Variants in HEATR9 observed in about 807,000 individuals in gnomAD.
The protein encoded by HEATR9 is protein HEATR9.
A neutral mutation model predicts 68.2 loss-of-function variants in HEATR9; 54 were observed. That is an observed-to-expected ratio of 0.79 (90% CI 0.64 to 0.99). The LOEUF is 0.99. HEATR9 is among the 50% of genes least tolerant of loss of function. The pLI is 0.00. For missense variants in HEATR9, 662 were observed against 679.7 expected (o/e 0.97, Z 0.29); for synonymous variants, 241 against 253.5 (o/e 0.95, Z 0.47).
rs115376671 is a variant in HEATR9, at chr17:35,867,628, G to A, written c.89-855C>T. Among the ~76,000 whole-genome samples, 611 of 151,928 alleles carry A rather than the reference G, an allele frequency of 4.0e-3. 6 individuals are homozygous for A. The highest frequency in any genetic ancestry group is 0.014 in the African/African-American group (569 of 41,408). On this transcript the variant is annotated intron_variant, in intron 1 of 14. Transcript: ENST00000604834. ...GTTCAAGACCAATCTGGGCAACAAA[G>A]TGAGACTGCCCCCTAACCCTCAATT...
intron 8 of HEATR9, 178 bp downstream of exon 8, chr17:35,862,817 G>T: frequency 2.5e-6 from 2 of 791,568 alleles, no homozygotes; most frequent in South Asian, 1.8e-5. Context: ...TTCAGAAATG[G>T]ACTAGTAAGT....
intron 8 of HEATR9, among the ~76,000 whole-genome samples, chr17:35,859,381 C>T (rs564440913): frequency 6.6e-6 from 1 of 152,296 alleles, no homozygotes; most frequent in East Asian, 1.9e-4. Context: ...TCTGCCTCAG[C>T]CACTAATCCC....
Position 35,865,257 on chromosome 17 carries a change from C to G in HEATR9, c.278G>C (p.Arg93Thr). The G allele has an allele frequency of 6.2e-7, 1 of 1,614,130 alleles. No individual in the cohort carries two copies. Among genetic ancestry groups the G allele is most frequent in the Non-Finnish European group, 8.5e-7 (1 of 1,180,014 alleles). The change falls in exon 3 of 15, where the codon AGG becomes ACG. Residue 93 changes from arginine (R) to threonine (T), a missense_variant. Physicochemically the swap from Arg to Thr is moderately conservative, Grantham distance 71 (BLOSUM62 -1). Transcript: ENST00000604834. ...WHDLYDQREE[R>T]EAEKMLRKMR... is the part of the protein sequence containing the mutation. ...TTTCCTCAACATCTTCTCAGCCTCC[C>G]TTTCCTCTCGCTGATCATACAGGTC... is the stretch of plus-strand genomic sequence containing the variant.
chr17:35,864,244 A>G lies in HEATR9; in HGVS notation c.567+2T>C. On this transcript the variant is annotated splice_donor_variant, in intron 6 of 14. Coordinates refer to ENST00000604834, the MANE Select transcript of HEATR9 (RefSeq NM_152781.4). LOFTEE classifies it high-confidence loss of function. Reference sequence around the variant, plus strand: ...CTGAACTCCAGCAGTTCTCAGACTCACCACCTGCTGTAGTGCCTCCATGAC... The same window carrying G: ...CTGAACTCCAGCAGTTCTCAGACTCGCCACCTGCTGTAGTGCCTCCATGAC... 6.2e-7 allele frequency: 1 copy of G among 1,609,146 alleles called. No homozygotes were observed. Among genetic ancestry groups the G allele is most frequent in the East Asian group, 2.2e-5 (1 of 44,860 alleles).
At chr17:35,864,689 G>A in intron 4 of HEATR9, 69 bp downstream of exon 4, 4 of 1,602,728 alleles carry the variant, frequency 2.5e-6, no homozygotes, top group South Asian at 2.2e-5. Context: ...GCTGAAGGAT[G>A]GTGTGAGCCC....
intron 10 of HEATR9, 38 bp downstream of exon 10, chr17:35,858,395 T>C (rs2087853563): frequency 1.2e-6 from 2 of 1,613,854 alleles, no homozygotes; most frequent in African/African-American, 1.3e-5. Context: ...CCTATCCTAG[T>C]GCCGGGAAAG....
chr17:35,856,456 TA>T, intron 12 of HEATR9: 2 of 1,217,962 alleles, frequency 1.6e-6, no homozygotes, highest in Non-Finnish European at 2.3e-6. Flanking sequence ...TTTATCTTTT[TA>T]AAAAAAGTTC....
chr17:35,861,373 A>G, intron 8 of HEATR9: 2 of 1,591,296 alleles, frequency 1.3e-6, no homozygotes, highest in African/African-American at 1.3e-5. Context: ...TGAATTATCC[A>G]CTGTAAGCTC....
Position 35,868,824 on chromosome 17 carries a change from A to T in HEATR9, c.-82T>A. ...GGGAGTGGGGGCACAGCTGGAGGAG[A>T]CCTGTCCTCTGTGGTACGAGAGGTA... On this transcript the variant is annotated 5_prime_UTR_variant, in exon 1 of 15. Transcript: ENST00000604834. 5 of 1,252,340 alleles carry T rather than the reference A, an allele frequency of 4.0e-6. No homozygotes were observed. Among genetic ancestry groups the T allele is most frequent in the Non-Finnish European group, 5.8e-6 (5 of 863,696 alleles). The allele number at this position is 1,252,340 out of a possible 1,614,324, so 77.6% of individuals were successfully genotyped here. A position where few individuals can be genotyped will look rare whatever the true frequency, so the allele number is the denominator to read the frequency against.
At position 35,868,805 on chromosome 17, in the gene HEATR9, G is replaced by A; in HGVS notation, c.-63C>T. On this transcript the variant is annotated 5_prime_UTR_variant, in exon 1 of 15. Coordinates refer to ENST00000604834, the MANE Select transcript of HEATR9 (RefSeq NM_152781.4). Reference sequence around the variant, plus strand: ...GGGAATACAAGGCTTTTAGGGGAGTGGGGGCACAGCTGGAGGAGACCTGTC... The same window carrying A: ...GGGAATACAAGGCTTTTAGGGGAGTAGGGGCACAGCTGGAGGAGACCTGTC... 2 of 1,454,268 alleles carry A rather than the reference G, an allele frequency of 1.4e-6. No homozygotes were observed. Among genetic ancestry groups the A allele is most frequent in the South Asian group, 1.1e-5 (1 of 87,216 alleles). The allele number at this position is 1,454,268 out of a possible 1,614,324, so 90.1% of individuals were successfully genotyped here.
intron 1 of HEATR9, among the ~76,000 whole-genome samples, chr17:35,867,296 G>T (rs558501977): frequency 1.5e-4 from 23 of 151,918 alleles, no homozygotes; most frequent in South Asian, 4.2e-4. Flanking sequence ...TTTGCCAGGG[G>T]TGGTGGTGCA....
Position 35,855,038 on chromosome 17 carries a change from C to A in HEATR9, c.*25G>T, listed in dbSNP as rs373781774. 3.7e-5 allele frequency: 59 copies of A among 1,578,778 alleles called. No individual in the cohort carries two copies. The highest frequency in any genetic ancestry group is 4.6e-5 in the Non-Finnish European group (53 of 1,154,468). ...TGAGAAGCATCTTCAGGGAGGGAGTCGGGGAGTAGGCCCAAAGAATTGACT... is the reference window on the plus strand; with the variant it reads ...TGAGAAGCATCTTCAGGGAGGGAGTAGGGGAGTAGGCCCAAAGAATTGACT... On this transcript the variant is annotated 3_prime_UTR_variant, in exon 15 of 15. Coordinates refer to ENST00000604834, the MANE Select transcript of HEATR9 (RefSeq NM_152781.4).
chr17:35,865,086 C>G, intron 3 of HEATR9, 129 bp downstream of exon 3: 1 of 1,310,170 alleles, frequency 7.6e-7, no homozygotes, highest in Non-Finnish European at 1.1e-6. Context: ...CAAGCCGAGC[C>G]GCCCTAAGCT....
intron 13 of HEATR9, 66 bp from the exon 14 acceptor site, chr17:35,855,816 A>T: frequency 7.6e-7 from 1 of 1,323,446 alleles, no homozygotes; most frequent in East Asian, 2.3e-5. Flanking sequence ...ACTCTTTCCC[A>T]TTCTAGCCCC....
At chr17:35,859,466 A>G (rs550404903) in intron 8 of HEATR9, among the ~76,000 whole-genome samples, 1 of 152,184 alleles carries the variant, frequency 6.6e-6, no homozygotes, top group South Asian at 2.1e-4. Context: ...CTCTCTGACC[A>G]TCACCTCTTT....
chr17:35,863,927 T>C, intron 6 of HEATR9: 2 of 538,598 alleles, frequency 3.7e-6, no homozygotes, highest in Non-Finnish European at 6.6e-6. Flanking sequence ...GGTAAGCTGA[T>C]GTATACATAT....
At chr17:35,856,853 G>A (rs779910063) in intron 11 of HEATR9, 48 bp from the exon 12 acceptor site, 13 of 1,475,362 alleles carry the variant, frequency 8.8e-6, no homozygotes, top group Non-Finnish European at 1.2e-5. Context: ...ATGCAAGGGT[G>A]TACACTTAAG....
chr17:35,865,480 G>A lies in HEATR9; in HGVS notation c.139-84C>T, dbSNP rs929850534. The A allele has an allele frequency of 1.5e-4, 146 of 962,564 alleles. 1 individual carries two copies. The highest frequency in any genetic ancestry group is 2.4e-4 in the Admixed American group (11 of 45,444). The allele number at this position is 962,564 out of a possible 1,614,324, so 59.6% of individuals were successfully genotyped here. Reference sequence around the variant, plus strand: ...GTATGGGGAGGAGGGGGTAAAGGGAGGGAAGGGCAGGGTGAAACAGATGCC... The same window carrying A: ...GTATGGGGAGGAGGGGGTAAAGGGAAGGAAGGGCAGGGTGAAACAGATGCC... On this transcript the variant is annotated intron_variant, in intron 2 of 14. Coordinates refer to ENST00000604834, the MANE Select transcript of HEATR9 (RefSeq NM_152781.4).
At chr17:35,859,152 C>T (rs2087886936) in intron 8 of HEATR9, 82 bp from the exon 9 acceptor site, 3 of 1,218,176 alleles carry the variant, frequency 2.5e-6, no homozygotes, top group Admixed American at 2.1e-5. Context: ...ATTCACCTTC[C>T]TCCCTAAAAT....
Sources: allele counts gnomAD v4.1 joint callset (sites outside exome capture counted in the v4.1 genomes callset), GRCh38; gene constraint gnomAD v4.1.1; transcripts MANE v1.5; gene names NCBI Gene and HGNC (gene_info 2026-07-23, HGNC 2026-07-21).